The following DMRT1 variants were observed in gnomAD, a reference collection of about 807,000 sequenced individuals.
The protein encoded by DMRT1 is doublesex and mab-3 related transcription factor 1.
In DMRT1, 7 loss-of-function variants were observed where a neutral mutation model predicts 32.3. The observed-to-expected ratio is 0.22, with a 90% CI of 0.12 to 0.41. The LOEUF (loss-of-function observed/expected upper bound fraction) is 0.41. Ranked by LOEUF, DMRT1 falls within the 10% of genes least tolerant of loss-of-function variation. The pLI is 1.00. For missense variants in DMRT1, 625 were observed against 500.5 expected (o/e 1.25, Z -2.37); for synonymous variants, 278 against 206.1 (o/e 1.35, Z -2.99).
chr9:867,801 T>A (rs1816058632), intron 2 of DMRT1, among the ~76,000 whole-genome samples: 1 of 152,322 alleles, frequency 6.6e-6, no homozygotes, highest in East Asian at 1.9e-4. Context: ...ATAGTTGATG[T>A]CCAAGGCTCC....
At position 841,988 on chromosome 9, in the gene DMRT1, C is replaced by A. The variant is rs898523495; in HGVS notation, c.150C>A (p.Ser50Arg). 1.5e-5 allele frequency: 23 copies of A among 1,573,126 alleles called. No homozygotes were observed. The highest frequency in any genetic ancestry group is 2.0e-5 in the Non-Finnish European group (23 of 1,160,674). Residue 50 changes from serine (S) to arginine (R), a missense_variant, in exon 1 of 5, where the codon AGC becomes AGA. Ser to Arg is a moderately radical substitution (Grantham distance 110). Transcript: ENST00000382276. ...GAASGSSAGGSSRGGGSGSGA... is the reference protein window; with the variant it reads ...GAASGSSAGGRSRGGGSGSGA... The stretch of plus-strand genomic sequence containing the variant: ...CCAGCGGCTCGAGCGCCGGGGGCAG[C>A]AGCAGAGGAGGCGGCTCCGGCTCCG...
chr9:932,712 C>T (rs1818764012), intron 4 of DMRT1, among the ~76,000 whole-genome samples: 1 of 152,176 alleles, frequency 6.6e-6, no homozygotes, highest in African/African-American at 2.4e-5. Flanking sequence ...AGGTTATCCA[C>T]ATTTCTACCC....
intron 3 of DMRT1, among the ~76,000 whole-genome samples, chr9:902,866 C>T (rs982370843): frequency 6.6e-6 from 1 of 152,028 alleles, no homozygotes; most frequent in South Asian, 2.1e-4. Flanking sequence ...CACAGGAACC[C>T]CAAGTAGGTT....
chr9:911,638 G>A (rs1180817251), intron 3 of DMRT1, among the ~76,000 whole-genome samples: 3 of 151,634 alleles, frequency 2.0e-5, no homozygotes, highest in South Asian at 2.1e-4. Flanking sequence ...GATTATAGGC[G>A]CCTGCCACCA....
chr9:895,438 G>T (rs189936498), intron 3 of DMRT1, among the ~76,000 whole-genome samples: 12 of 152,290 alleles, frequency 7.9e-5, no homozygotes, highest in African/African-American at 2.9e-4. Flanking sequence ...GCCATGCTCA[G>T]GCTTCCTCAG....
intron 4 of DMRT1, among the ~76,000 whole-genome samples, chr9:944,548 AAGG>A (rs1819180917): frequency 6.6e-6 from 1 of 152,226 alleles, no homozygotes; most frequent in African/African-American, 2.4e-5. Flanking sequence ...TGCATTTTAA[AAGG>A]AGATGGATAT....
intron 2 of DMRT1, among the ~76,000 whole-genome samples, chr9:891,036 C>A (rs2132647001): frequency 6.6e-6 from 1 of 151,790 alleles, no homozygotes; most frequent in East Asian, 2.0e-4. Flanking sequence ...CAGCCTTAAA[C>A]CTTTTTAGAA....
At chr9:937,518 G>GT (rs1278154649) in intron 4 of DMRT1, among the ~76,000 whole-genome samples, 7 of 151,994 alleles carry the variant, frequency 4.6e-5, no homozygotes, top group Non-Finnish European at 8.8e-5. Context: ...GTTGTTTTCC[G>GT]TTTTTTTGAT....
At chr9:931,652 T>C (rs1024018077) in intron 4 of DMRT1, among the ~76,000 whole-genome samples, 6 of 152,222 alleles carry the variant, frequency 3.9e-5, no homozygotes, top group African/African-American at 1.4e-4. Flanking sequence ...ACATGGCTTT[T>C]CCTCTTTGTG....
chr9:904,615 C>G (rs1396059640), intron 3 of DMRT1, among the ~76,000 whole-genome samples: 1 of 152,212 alleles, frequency 6.6e-6, no homozygotes, highest in Non-Finnish European at 1.5e-5. Context: ...CTCTCAAGTA[C>G]TGGCTCATGG....
At position 969,062 on chromosome 9, in the gene DMRT1, C is replaced by G. The variant is rs531567679; in HGVS notation, c.*923C>G. 6.6e-6 allele frequency: 1 copy of G among 152,534 alleles called. No individual in the cohort carries two copies. Among genetic ancestry groups the G allele is most frequent in the Non-Finnish European group, 1.5e-5 (1 of 68,030 alleles). 9.4% of individuals were successfully genotyped at this position (152,534 alleles called of 1,614,324 possible). ...TTGTTCTACTTAGTTGCAGCTGTAC[C>G]TGAAATAAAAATGTTATTGATGACT... On this transcript the variant is annotated 3_prime_UTR_variant, in exon 5 of 5. Coordinates refer to ENST00000382276, the MANE Select transcript of DMRT1 (RefSeq NM_021951.3).
chr9:936,473 C>T (rs10977629), intron 4 of DMRT1, among the ~76,000 whole-genome samples: 11,315 of 152,082 alleles, frequency 0.074, 565 homozygotes, highest in South Asian at 0.15. Flanking sequence ...TTCTTCAGGC[C>T]GGGTGTGGTG....
chr9:944,764 A>C (rs964323995), intron 4 of DMRT1, among the ~76,000 whole-genome samples: 1 of 152,204 alleles, frequency 6.6e-6, no homozygotes, highest in Non-Finnish European at 1.5e-5. Context: ...TGCACCCATT[A>C]TGATATCAAA....
intron 4 of DMRT1, among the ~76,000 whole-genome samples, chr9:944,682 T>TACCCA (rs1819184676): frequency 3.9e-5 from 6 of 152,310 alleles, no homozygotes; most frequent in Admixed American, 3.9e-4. Context: ...CTCTTTTGGG[T>TACCCA]AAATGGTACC....
chr9:860,859 T>A (rs1815627672), intron 2 of DMRT1, among the ~76,000 whole-genome samples: 1 of 152,072 alleles, frequency 6.6e-6, no homozygotes, highest in Non-Finnish European at 1.5e-5. Flanking sequence ...GGTGAGACTG[T>A]GCTGAGGCAG....
At chr9:890,243 G>A (rs930581069) in intron 2 of DMRT1, among the ~76,000 whole-genome samples, 3 of 151,890 alleles carry the variant, frequency 2.0e-5, no homozygotes, top group Admixed American at 6.6e-5. Flanking sequence ...CACCGCACCC[G>A]GCCCAAACTG....
chr9:867,890 T>G (rs1162405156), intron 2 of DMRT1, among the ~76,000 whole-genome samples: 1 of 152,258 alleles, frequency 6.6e-6, no homozygotes, highest in Non-Finnish European at 1.5e-5. Flanking sequence ...CATACTACAT[T>G]TTATCATTCT....
intron 3 of DMRT1, among the ~76,000 whole-genome samples, chr9:915,088 A>T (rs1818126901): frequency 6.6e-6 from 1 of 152,254 alleles, no homozygotes; most frequent in African/African-American, 2.4e-5. Context: ...TTATTTTGAA[A>T]TTACTCATAT....
At chr9:844,924 A>G (rs10976992) in intron 1 of DMRT1, among the ~76,000 whole-genome samples, 87 of 151,694 alleles carry the variant, frequency 5.7e-4, no homozygotes, top group Non-Finnish European at 1.1e-3. Flanking sequence ...ATTTCACCAT[A>G]TTGGCCAGGC....
Sources: gnomAD v4.1 joint callset for allele counts (sites outside exome capture counted in the v4.1 genomes callset) on GRCh38, gnomAD v4.1.1 for gene constraint, MANE v1.5 for transcripts, NCBI Gene and HGNC (gene_info 2026-07-23, HGNC 2026-07-21) for gene names.